The following IMMP2L variants were observed in gnomAD, a reference collection of about 807,000 sequenced individuals.
The protein encoded by IMMP2L is inner mitochondrial membrane peptidase subunit 2.
In IMMP2L, 18 loss-of-function variants were observed where a neutral mutation model predicts 19.3. The observed-to-expected ratio is 0.93, with a 90% CI of 0.64 to 1.38. The LOEUF is 1.38. IMMP2L is among the 40% of genes most tolerant of loss of function. The pLI is 0.00. For synonymous variants in IMMP2L, 76 were observed against 73.0 expected (o/e 1.04, Z -0.21); for missense variants, 233 against 218.2 (o/e 1.07, Z -0.43).
intron 3 of IMMP2L, among the ~76,000 whole-genome samples, chr7:111,485,617 A>ACAAAAAAC (rs1842583760): frequency 6.8e-6 from 1 of 147,064 alleles, no homozygotes; most frequent in African/African-American, 2.6e-5. Context: ...AAAAAAAAAA[A>ACAAAAAAC]AAAAAAAACA....
At chr7:111,036,905 G>T (rs1431586630) in intron 3 of IMMP2L, among the ~76,000 whole-genome samples, 1 of 152,062 alleles carries the variant, frequency 6.6e-6, no homozygotes, top group Non-Finnish European at 1.5e-5. Flanking sequence ...TGTGGGTTTT[G>T]CAATTAAAAA....
At chr7:110,864,374 A>G (rs1266541867) in intron 5 of IMMP2L, among the ~76,000 whole-genome samples, 2 of 152,106 alleles carry the variant, frequency 1.3e-5, no homozygotes, top group Non-Finnish European at 2.9e-5. Flanking sequence ...GTTCAAATAT[A>G]CACAGGGACA....
intron 3 of IMMP2L, among the ~76,000 whole-genome samples, chr7:111,133,121 A>G (rs1007591333): frequency 6.6e-6 from 1 of 151,986 alleles, no homozygotes; most frequent in Admixed American, 6.5e-5. Context: ...CTTTATTCAC[A>G]CACCATTTAT....
At chr7:111,408,767 A>T (rs925723543) in intron 3 of IMMP2L, among the ~76,000 whole-genome samples, 2 of 151,618 alleles carry the variant, frequency 1.3e-5, no homozygotes, top group African/African-American at 4.9e-5. Context: ...TGTAGTTAAT[A>T]TTTTTTTTAA....
chr7:110,697,439 A>T (rs1409492229), intron 5 of IMMP2L, among the ~76,000 whole-genome samples: 1 of 152,236 alleles, frequency 6.6e-6, no homozygotes, highest in Non-Finnish European at 1.5e-5. Flanking sequence ...TCTCCAATAG[A>T]ATCACAACAA....
chr7:111,200,025 T>C (rs1460460898), intron 3 of IMMP2L, among the ~76,000 whole-genome samples: 1 of 152,132 alleles, frequency 6.6e-6, no homozygotes, highest in African/African-American at 2.4e-5. Flanking sequence ...CTCTCAGGTT[T>C]CAATTTTATG....
At chr7:111,222,373 T>G (rs1442945007) in intron 3 of IMMP2L, among the ~76,000 whole-genome samples, 1 of 151,380 alleles carries the variant, frequency 6.6e-6, no homozygotes, top group South Asian at 2.1e-4. Flanking sequence ...AAAAAACACA[T>G]GAGCAAAATT....
intron 3 of IMMP2L, among the ~76,000 whole-genome samples, chr7:111,232,523 T>C (rs1190704885): frequency 7.9e-5 from 12 of 152,018 alleles, no homozygotes; most frequent in Admixed American, 7.2e-4. Flanking sequence ...CATGGAAATT[T>C]TCAATTTTCT....
intron 3 of IMMP2L, among the ~76,000 whole-genome samples, chr7:111,214,409 C>T (rs1811687544): frequency 8.5e-6 from 1 of 118,110 alleles, no homozygotes; most frequent in Admixed American, 1.1e-4. Context: ...GTGGCATGAT[C>T]TCTGCTCACT....
At position 111,209,396 on chromosome 7, in the gene IMMP2L, CA is replaced by C. The variant is rs368679362; in HGVS notation, c.240-245832del. Among the ~76,000 whole-genome samples, 263 of 88,566 alleles carry C rather than the reference CA, an allele frequency of 3.0e-3. 2 individuals are homozygous for C. Among genetic ancestry groups the C allele is most frequent in the Middle Eastern group, 0.013 (2 of 158 alleles). The allele number at this position is 88,566 out of a possible 152,430, so 58.1% of individuals were successfully genotyped here. The stretch of plus-strand genomic sequence containing the variant: ...TCGGCGACAGAGCGAGACTCCTTCT[CA>C]AAAAAAAAAAAAAAAAAAAGTAAAA... On this transcript the variant is annotated intron_variant, in intron 3 of 5. Transcript: ENST00000405709.
chr7:111,540,642 T>A (rs573922598), intron 1 of IMMP2L, among the ~76,000 whole-genome samples: 3 of 152,292 alleles, frequency 2.0e-5, no homozygotes, highest in South Asian at 2.1e-4. Context: ...GTTACCGTTT[T>A]ATAGGTAACT....
intron 3 of IMMP2L, among the ~76,000 whole-genome samples, chr7:111,190,207 C>A (rs1808719660): frequency 6.6e-6 from 1 of 152,064 alleles, no homozygotes; most frequent in Admixed American, 6.6e-5. Context: ...ATTTCTAGGG[C>A]AGCATGACGG....
At chr7:111,431,333 G>A (rs762087960) in intron 3 of IMMP2L, among the ~76,000 whole-genome samples, 21 of 151,864 alleles carry the variant, frequency 1.4e-4, no homozygotes, top group Non-Finnish European at 2.6e-4. Context: ...ACTAGTCAGT[G>A]TAAAGAGAAA....
intron 3 of IMMP2L, among the ~76,000 whole-genome samples, chr7:111,036,201 T>C (rs535052750): frequency 6.6e-6 from 1 of 152,292 alleles, no homozygotes; most frequent in African/African-American, 2.4e-5. Context: ...CTTCTTATAA[T>C]ACCGTTTCCT....
At chr7:110,677,597 A>G (rs1308351665) in intron 5 of IMMP2L, among the ~76,000 whole-genome samples, 5 of 152,182 alleles carry the variant, frequency 3.3e-5, no homozygotes, top group African/African-American at 1.2e-4. Flanking sequence ...TATGCACTCA[A>G]AGACAACCTG....
chr7:111,255,329 C>G (rs1816587705), intron 3 of IMMP2L, among the ~76,000 whole-genome samples: 2 of 151,984 alleles, frequency 1.3e-5, no homozygotes, highest in South Asian at 4.1e-4. Context: ...TTGACAGCTG[C>G]AATTTGAAAA....
chr7:111,119,430 T>C (rs1024206321), intron 3 of IMMP2L, among the ~76,000 whole-genome samples: 1 of 152,182 alleles, frequency 6.6e-6, no homozygotes, highest in Non-Finnish European at 1.5e-5. Context: ...AACCCAGTAA[T>C]TGGCATGTAG....
chr7:111,088,303 TCAATA>T (rs1323251980), intron 3 of IMMP2L, among the ~76,000 whole-genome samples: 1 of 152,200 alleles, frequency 6.6e-6, no homozygotes, highest in Non-Finnish European at 1.5e-5. Flanking sequence ...TAAAACCATT[TCAATA>T]CATTTCCATT....
chr7:111,044,707 G>A (rs185824307), intron 3 of IMMP2L, among the ~76,000 whole-genome samples: 19 of 152,100 alleles, frequency 1.2e-4, no homozygotes, highest in South Asian at 8.3e-4. Flanking sequence ...CAACACTAAC[G>A]CAAAAATGGC....
Sources: allele counts gnomAD v4.1 joint callset (sites outside exome capture counted in the v4.1 genomes callset), GRCh38; gene constraint gnomAD v4.1.1; transcripts MANE v1.5; gene names NCBI Gene and HGNC (gene_info 2026-07-23, HGNC 2026-07-21).